The following SESN1 variants were observed in gnomAD, a reference collection of about 807,000 sequenced individuals.
SESN1 encodes the protein sestrin 1, also known as sestrin-1.
In SESN1, 30 loss-of-function variants were observed where a neutral mutation model predicts 59.3. The ratio of observed to expected loss-of-function variants is 0.51; its 90% CI spans 0.38 to 0.69. The LOEUF (loss-of-function observed/expected upper bound fraction) is 0.69. Among genes scored for constraint, SESN1 ranks in the 30% least tolerant of loss-of-function variants. The pLI, the probability that SESN1 is intolerant of heterozygous loss-of-function variation, is 0.00. For synonymous variants in SESN1, 197 were observed against 219.9 expected (o/e 0.90, Z 0.92); for missense variants, 566 against 673.0 (o/e 0.84, Z 1.76).
intron 1 of SESN1, among the ~76,000 whole-genome samples, chr6:109,087,084 T>A (rs1283593008): frequency 6.6e-6 from 1 of 152,178 alleles, no homozygotes; most frequent in Non-Finnish European, 1.5e-5. Flanking sequence ...TGAGCCAAGA[T>A]CGTGCCACTG....
chr6:109,075,822 T>G (rs535163882), intron 1 of SESN1, among the ~76,000 whole-genome samples: 1 of 152,308 alleles, frequency 6.6e-6, no homozygotes, highest in Non-Finnish European at 1.5e-5. Context: ...TATAAAAAAC[T>G]AATTCAGTTG....
At chr6:108,994,653 A>G in intron 5 of SESN1, 44 bp from the exon 6 acceptor site, 1 of 1,469,146 alleles carries the variant, frequency 6.8e-7, no homozygotes, top group Non-Finnish European at 9.2e-7. Context: ...CAGACATAGA[A>G]TATATATGAA....
At chr6:109,048,189 C>T (rs1367368857) in intron 1 of SESN1, among the ~76,000 whole-genome samples, 1 of 152,138 alleles carries the variant, frequency 6.6e-6, no homozygotes, top group African/African-American at 2.4e-5. Context: ...CAAATGCCCT[C>T]CCTTAATCTT....
chr6:109,069,630 C>G (rs985528710), intron 1 of SESN1, among the ~76,000 whole-genome samples: 1 of 152,072 alleles, frequency 6.6e-6, no homozygotes, highest in Admixed American at 6.5e-5. Context: ...TTACCTGGGA[C>G]TCCTGGGTTC....
intron 1 of SESN1, among the ~76,000 whole-genome samples, chr6:109,006,014 G>A (rs923356978): frequency 2.0e-5 from 3 of 151,962 alleles, no homozygotes; most frequent in East Asian, 1.9e-4. Flanking sequence ...TTCAGTTTTC[G>A]GCTTATTTCT....
intron 1 of SESN1, among the ~76,000 whole-genome samples, chr6:109,052,154 A>G (rs1780552154): frequency 6.6e-6 from 1 of 152,220 alleles, no homozygotes; most frequent in South Asian, 2.1e-4. Context: ...AAATTCAACA[A>G]AGAAAGGAAT....
At chr6:109,010,854 G>A (rs1023134070) in intron 1 of SESN1, among the ~76,000 whole-genome samples, 1 of 152,182 alleles carries the variant, frequency 6.6e-6, no homozygotes, top group African/African-American at 2.4e-5. Flanking sequence ...TCAGCCGTAA[G>A]CAAATACAAA....
intron 1 of SESN1, among the ~76,000 whole-genome samples, chr6:109,066,507 T>C (rs922248859): frequency 5.3e-5 from 8 of 152,152 alleles, no homozygotes; most frequent in Non-Finnish European, 1.2e-4. Flanking sequence ...TTAAGAAATA[T>C]CGACCAATTC....
chr6:108,990,544 G>A, intron 8 of SESN1, 101 bp downstream of exon 8: 2 of 1,050,568 alleles, frequency 1.9e-6, no homozygotes, highest in South Asian at 1.4e-5. Flanking sequence ...GAGGGGATGG[G>A]TTTTGATTAT....
At chr6:109,059,085 A>G (rs1478861722) in intron 1 of SESN1, among the ~76,000 whole-genome samples, 3 of 152,038 alleles carry the variant, frequency 2.0e-5, no homozygotes, top group South Asian at 2.1e-4. Flanking sequence ...AACTCCATAT[A>G]TATCACTTCA....
chr6:109,014,268 C>T (rs1779901056), intron 1 of SESN1, among the ~76,000 whole-genome samples: 1 of 152,142 alleles, frequency 6.6e-6, no homozygotes, highest in Admixed American at 6.5e-5. Flanking sequence ...GTCAGGTTTT[C>T]TAGGCTGATA....
At chr6:109,017,635 C>T (rs1176395223) in intron 1 of SESN1, among the ~76,000 whole-genome samples, 12 of 151,952 alleles carry the variant, frequency 7.9e-5, no homozygotes, top group South Asian at 2.1e-4. Context: ...TCTCTTAATT[C>T]GAGATTGGGA....
At chr6:109,056,305 G>A (rs576591004) in intron 1 of SESN1, among the ~76,000 whole-genome samples, 1 of 152,250 alleles carries the variant, frequency 6.6e-6, no homozygotes, top group South Asian at 2.1e-4. Flanking sequence ...TTGGGAGGCT[G>A]AGACAGGAGG....
intron 1 of SESN1, among the ~76,000 whole-genome samples, chr6:109,045,219 AG>A (rs1308957467): frequency 3.3e-5 from 5 of 152,024 alleles, no homozygotes; most frequent in Non-Finnish European, 5.9e-5. Flanking sequence ...TCTACATCCT[AG>A]AAACTGTAAA....
Position 108,987,499 on chromosome 6 carries a change from A to T in SESN1, c.*45T>A. On this transcript the variant is annotated 3_prime_UTR_variant, in exon 10 of 10. Coordinates refer to ENST00000436639, the MANE Select transcript of SESN1 (RefSeq NM_014454.3). ...CTTAGTACCTTCCCCCTTGTAGACT[A>T]TATCTGCTGATCATTCCAGAATCAT... 1.8e-6 allele frequency: 2 copies of T among 1,086,576 alleles called. No homozygotes were observed. The highest frequency in any genetic ancestry group is 2.8e-6 in the Non-Finnish European group (2 of 707,874). 67.3% of individuals were successfully genotyped at this position (1,086,576 alleles called of 1,614,324 possible).
At chr6:108,997,700 C>G (rs535313956) in intron 5 of SESN1, among the ~76,000 whole-genome samples, 29 of 152,218 alleles carry the variant, frequency 1.9e-4, no homozygotes, top group African/African-American at 7.0e-4. Flanking sequence ...GGCAATTCAA[C>G]CTGTCAAATC....
rs370602793 is a variant in SESN1, at chr6:108,985,663, T to G, written c.*1881A>C. Among the ~76,000 whole-genome samples, 29 of 152,332 alleles carry G rather than the reference T, an allele frequency of 1.9e-4. No homozygotes were observed. The highest frequency in any genetic ancestry group is 9.6e-4 in the East Asian group (5 of 5,190). On this transcript the variant is annotated 3_prime_UTR_variant, in exon 10 of 10. Coordinates refer to ENST00000436639, the MANE Select transcript of SESN1 (RefSeq NM_014454.3). ...ATGCATTCTAGTTGATCTTGTTTTG[T>G]GATCACTCTACTGCTGATTAGAATC...
chr6:108,998,689 T>A lies in SESN1; in HGVS notation c.796A>T (p.Thr266Ser). The change falls in exon 5 of 10, where the codon ACA becomes TCA. Residue 266 changes from threonine to serine, a missense_variant. Coordinates refer to ENST00000436639, the MANE Select transcript of SESN1 (RefSeq NM_014454.3). ...AATGAGGCAAGAGAATGATAGTGTGTGAGTAAAACTACTGCATGTACCAAT... is the reference window on the plus strand; with the variant it reads ...AATGAGGCAAGAGAATGATAGTGTGAGAGTAAAACTACTGCATGTACCAAT... ...AELVHAVVLL[T>S]HYHSLASFTF... is the part of the protein sequence containing the mutation. 1 of 1,613,726 alleles carries A rather than the reference T, an allele frequency of 6.2e-7. No individual in the cohort carries two copies. Among genetic ancestry groups the A allele is most frequent in the South Asian group, 1.1e-5 (1 of 91,070 alleles).
At chr6:109,019,600 T>C (rs1779978110) in intron 1 of SESN1, among the ~76,000 whole-genome samples, 1 of 152,212 alleles carries the variant, frequency 6.6e-6, no homozygotes, top group African/African-American at 2.4e-5. Flanking sequence ...TCTTATCCTT[T>C]AGTGACACAC....
Sources: gnomAD v4.1 joint callset for allele counts (sites outside exome capture counted in the v4.1 genomes callset) on GRCh38, gnomAD v4.1.1 for gene constraint, MANE v1.5 for transcripts, NCBI Gene and HGNC (gene_info 2026-07-23, HGNC 2026-07-21) for gene names.